FARS2: variants seen among roughly 807,000 people sequenced by gnomAD.
The protein encoded by FARS2 is phenylalanine--tRNA ligase, mitochondrial.
In FARS2, 40 loss-of-function variants were observed where a neutral mutation model predicts 46.4. That is an observed-to-expected ratio of 0.86 (90% confidence interval 0.67 to 1.12). The LOEUF (loss-of-function observed/expected upper bound fraction) is 1.12. Ranked by LOEUF, FARS2 falls within the 50% of genes most tolerant of loss-of-function variation. The pLI, the probability that FARS2 is intolerant of heterozygous loss-of-function variation, is 0.00. For synonymous variants in FARS2, 234 were observed against 214.9 expected (o/e 1.09, Z -0.78); for missense variants, 513 against 567.9 (o/e 0.90, Z 0.98).
intron 6 of FARS2, among the ~76,000 whole-genome samples, chr6:5,658,177 A>C (rs1777687551): frequency 6.6e-6 from 1 of 150,530 alleles, no homozygotes; most frequent in African/African-American, 2.5e-5. Flanking sequence ...AATTGCTTGA[A>C]CCCGGAAGGT....
intron 4 of FARS2, among the ~76,000 whole-genome samples, chr6:5,473,350 C>A (rs1195446018): frequency 6.6e-6 from 1 of 151,890 alleles, no homozygotes; most frequent in African/African-American, 2.4e-5. Flanking sequence ...CACAGCGAAA[C>A]CCCGTCTCTA....
At chr6:5,298,869 A>G (rs1768082735) in intron 1 of FARS2, among the ~76,000 whole-genome samples, 1 of 148,418 alleles carries the variant, frequency 6.7e-6, no homozygotes, top group Admixed American at 6.7e-5. Flanking sequence ...TCTCAAAAAA[A>G]AAAAAAAAAA....
At chr6:5,406,204 T>C (rs1016216218) in intron 3 of FARS2, among the ~76,000 whole-genome samples, 2 of 152,218 alleles carry the variant, frequency 1.3e-5, no homozygotes, top group Non-Finnish European at 2.9e-5. Context: ...TGTGAGCTTT[T>C]GTAAAAGTCA....
At chr6:5,302,575 A>C (rs1475287580) in intron 1 of FARS2, among the ~76,000 whole-genome samples, 4 of 152,202 alleles carry the variant, frequency 2.6e-5, no homozygotes, top group African/African-American at 7.2e-5. Context: ...GGTGGACACT[A>C]TTACTATCTT....
intron 1 of FARS2, among the ~76,000 whole-genome samples, chr6:5,326,689 T>C (rs1275295537): frequency 6.6e-6 from 1 of 152,170 alleles, no homozygotes; most frequent in Non-Finnish European, 1.5e-5. Context: ...GCCATCTGGG[T>C]GACCTGATGC....
chr6:5,751,342 G>T (rs962875075), intron 6 of FARS2, among the ~76,000 whole-genome samples: 1 of 152,140 alleles, frequency 6.6e-6, no homozygotes, highest in African/African-American at 2.4e-5. Context: ...CTGGGCACTT[G>T]ATGGCTGTTG....
chr6:5,523,549 CTG>C (rs1769277212), intron 4 of FARS2, among the ~76,000 whole-genome samples: 1 of 151,902 alleles, frequency 6.6e-6, no homozygotes, highest in South Asian at 2.1e-4. Context: ...CTCAGGGTCT[CTG>C]TATTCAGTGG....
At chr6:5,522,289 T>G (rs1769190293) in intron 4 of FARS2, among the ~76,000 whole-genome samples, 1 of 152,184 alleles carries the variant, frequency 6.6e-6, no homozygotes. Flanking sequence ...TCTGTCTGCT[T>G]AGATGCCACT....
intron 2 of FARS2, among the ~76,000 whole-genome samples, chr6:5,391,449 G>T (rs61076473): frequency 0.019 from 2,853 of 152,302 alleles, 84 homozygotes; most frequent in African/African-American, 0.063. Flanking sequence ...AGTACTGCAA[G>T]TGGCAGTGAA....
intron 4 of FARS2, among the ~76,000 whole-genome samples, chr6:5,527,024 G>A (rs769391076): frequency 7.3e-5 from 11 of 150,512 alleles, no homozygotes; most frequent in South Asian, 4.2e-4. Flanking sequence ...GTGGGTTTTC[G>A]TATTCTCCAC....
At chr6:5,444,339 T>C (rs1582122668) in intron 4 of FARS2, among the ~76,000 whole-genome samples, 2 of 151,480 alleles carry the variant, frequency 1.3e-5, no homozygotes, top group Admixed American at 1.3e-4. Flanking sequence ...TGGTGTCAGG[T>C]GCCTGTAATC....
chr6:5,741,139 T>A (rs1333842572), intron 6 of FARS2, among the ~76,000 whole-genome samples: 1 of 152,200 alleles, frequency 6.6e-6, no homozygotes, highest in Non-Finnish European at 1.5e-5. Context: ...TCCTGAGAGT[T>A]GGTGAACTAA....
chr6:5,283,526 G>A (rs544152541), intron 1 of FARS2, among the ~76,000 whole-genome samples: 13 of 142,454 alleles, frequency 9.1e-5, no homozygotes, highest in African/African-American at 2.5e-4. Flanking sequence ...TCCAGCCTGG[G>A]CAACAGAGCG....
chr6:5,349,463 C>T (rs1196245723), intron 1 of FARS2, among the ~76,000 whole-genome samples: 1 of 152,036 alleles, frequency 6.6e-6, no homozygotes, highest in Non-Finnish European at 1.5e-5. Flanking sequence ...TTTTTTCTTA[C>T]AAACATCCTC....
intron 6 of FARS2, among the ~76,000 whole-genome samples, chr6:5,710,174 A>G (rs556716303): frequency 4.0e-4 from 61 of 152,156 alleles, no homozygotes; most frequent in Non-Finnish European, 7.4e-4. Context: ...ATGCATTCCC[A>G]TTTTGCACCA....
intron 6 of FARS2, among the ~76,000 whole-genome samples, chr6:5,690,277 C>T (rs1475860996): frequency 1.3e-5 from 2 of 152,100 alleles, no homozygotes; most frequent in Admixed American, 1.3e-4. Context: ...TAGTTGATGC[C>T]GTTTCTTCCT....
chr6:5,419,349 ATCTCAACT>A (rs1190743151), intron 3 of FARS2, among the ~76,000 whole-genome samples: 1 of 152,356 alleles, frequency 6.6e-6, no homozygotes, highest in East Asian at 1.9e-4. Flanking sequence ...CATAAAAATA[ATCTCAACT>A]GAGGTAAGTT....
In FARS2 at chr6:5,563,919, T is replaced by A. The variant is rs6597143; in HGVS notation, c.1065+18579T>A. 3.8e-3 allele frequency among the ~76,000 whole-genome samples: 579 copies of A among 152,330 alleles called. 4 individuals are homozygous for A. Among genetic ancestry groups the A allele is most frequent in the Non-Finnish European group, 6.2e-3 (424 of 68,036 alleles). ...CCTGAGCCTGTCAACAATTTTGACT[T>A]GATTTTTAAGTACCTGTAGATTTTC... On this transcript the variant is annotated intron_variant, in intron 5 of 6. Coordinates refer to ENST00000274680, the MANE Select transcript of FARS2 (RefSeq NM_006567.5).
intron 2 of FARS2, among the ~76,000 whole-genome samples, chr6:5,400,740 T>C (rs929281045): frequency 4.6e-5 from 7 of 152,034 alleles, no homozygotes; most frequent in Admixed American, 1.3e-4. Context: ...ACATTTGATC[T>C]TATACTAAGA....
Sources: allele counts gnomAD v4.1 joint callset (sites outside exome capture counted in the v4.1 genomes callset), GRCh38; gene constraint gnomAD v4.1.1; transcripts MANE v1.5; gene names NCBI Gene and HGNC (gene_info 2026-07-23, HGNC 2026-07-21).